Variants in TOP6BL observed in about 807,000 individuals in gnomAD.
The protein encoded by TOP6BL is type 2 DNA topoisomerase 6 subunit B-like.
the TOP6BL span, among the ~76,000 whole-genome samples, chr11:66,829,783 G>A: frequency 6.6e-6 from 1 of 152,138 alleles, no homozygotes; most frequent in Non-Finnish European, 1.5e-5. Flanking sequence ...CAGCTACTCG[G>A]GAGGCTGAGG....
the TOP6BL span, among the ~76,000 whole-genome samples, chr11:66,780,630 A>G: frequency 6.6e-6 from 1 of 151,954 alleles, no homozygotes; most frequent in East Asian, 1.9e-4. Context: ...CCCAGGCCGG[A>G]GTGCAGTGGC....
the TOP6BL span, among the ~76,000 whole-genome samples, chr11:66,747,741 C>T: frequency 6.6e-6 from 1 of 152,044 alleles, no homozygotes; most frequent in Non-Finnish European, 1.5e-5. Flanking sequence ...GCCTCAGCCT[C>T]CCCAGTGGCT....
chr11:66,843,021 C>CGGCAGGGCCCTGGCGCCG, the TOP6BL span: 188 of 1,553,720 alleles, frequency 1.2e-4, 1 homozygote, highest in South Asian at 2.1e-3. Context: ...GCGAGGCTCA[C>CGGCAGGGCCCTGGCGCCG]GGCAGGGCCC....
At chr11:66,781,785 G>A in the TOP6BL span, among the ~76,000 whole-genome samples, 1 of 152,096 alleles carries the variant, frequency 6.6e-6, no homozygotes, top group Non-Finnish European at 1.5e-5. Flanking sequence ...CGATCTCCCT[G>A]CCTTGGCCCC....
the TOP6BL span, among the ~76,000 whole-genome samples, chr11:66,777,603 A>G: frequency 2.0e-5 from 3 of 152,132 alleles, no homozygotes; most frequent in South Asian, 6.2e-4. Flanking sequence ...CTTTGTAAAA[A>G]GTGTTGGCCA....
chr11:66,800,745 T>C, the TOP6BL span: 4 of 1,453,488 alleles, frequency 2.8e-6, no homozygotes, highest in South Asian at 5.1e-5. Flanking sequence ...CTCTGCAATT[T>C]TTCTCAGCTA....
chr11:66,804,986 G>A, the TOP6BL span, among the ~76,000 whole-genome samples: 1 of 152,166 alleles, frequency 6.6e-6, no homozygotes, highest in Non-Finnish European at 1.5e-5. Context: ...ATAATCACTT[G>A]AACCTGGGAG....
At chr11:66,841,565 C>T in the TOP6BL span, among the ~76,000 whole-genome samples, 5 of 152,192 alleles carry the variant, frequency 3.3e-5, no homozygotes, top group Non-Finnish European at 5.9e-5. Context: ...ATCTAAGCCA[C>T]ACCTTTGAAA....
the TOP6BL span, among the ~76,000 whole-genome samples, chr11:66,807,972 A>G: frequency 6.6e-6 from 1 of 152,234 alleles, no homozygotes; most frequent in South Asian, 2.1e-4. Flanking sequence ...TTGAAATTGG[A>G]TTAGGATGAT....
the TOP6BL span, among the ~76,000 whole-genome samples, chr11:66,745,528 A>C: frequency 6.6e-5 from 10 of 152,148 alleles, no homozygotes; most frequent in African/African-American, 2.4e-4. Context: ...CCGTGTGCTC[A>C]TTTCATTACC....
the TOP6BL span, among the ~76,000 whole-genome samples, chr11:66,820,770 T>C: frequency 6.6e-6 from 1 of 152,234 alleles, no homozygotes; most frequent in African/African-American, 2.4e-5. Context: ...TTGTTGTTTA[T>C]AGTACATGGT....
At chr11:66,814,109 T>C in the TOP6BL span, 2 of 1,339,694 alleles carry the variant, frequency 1.5e-6, no homozygotes, top group East Asian at 2.4e-5. Context: ...TATAAAAATA[T>C]GACCAGAGAT....
the TOP6BL span, among the ~76,000 whole-genome samples, chr11:66,750,541 C>A: frequency 2.2e-3 from 327 of 151,296 alleles, no homozygotes; most frequent in African/African-American, 7.4e-3. Context: ...GAGTGAGACT[C>A]CATCTCAAAA....
chr11:66,796,699 C>G, the TOP6BL span, among the ~76,000 whole-genome samples: 57 of 150,814 alleles, frequency 3.8e-4, 1 homozygote, highest in East Asian at 0.011. Context: ...GAGAGGATTG[C>G]TTGAGCCCAG....
chr11:66,772,699 G>T, the TOP6BL span, among the ~76,000 whole-genome samples: 2 of 152,214 alleles, frequency 1.3e-5, no homozygotes, highest in Non-Finnish European at 2.9e-5. Flanking sequence ...GAACCTGGAA[G>T]GTGGAGGTTG....
the TOP6BL span, among the ~76,000 whole-genome samples, chr11:66,748,746 T>C: frequency 5.3e-5 from 8 of 152,168 alleles, no homozygotes; most frequent in African/African-American, 1.7e-4. Context: ...TTTACTGGTT[T>C]AAGTTAAAAT....
the TOP6BL span, chr11:66,758,985 C>T: frequency 1.5e-5 from 20 of 1,295,262 alleles, no homozygotes; most frequent in African/African-American, 2.5e-4. Flanking sequence ...TCATTTGATT[C>T]TTTCAATAGA....
the TOP6BL span, among the ~76,000 whole-genome samples, chr11:66,780,249 TC>T: frequency 6.6e-6 from 1 of 152,076 alleles, no homozygotes; most frequent in Non-Finnish European, 1.5e-5. Context: ...TACTTATAAT[TC>T]CCTGCCTTAT....
At chr11:66,777,483 A>G in the TOP6BL span, among the ~76,000 whole-genome samples, 638 of 152,330 alleles carry the variant, frequency 4.2e-3, 2 homozygotes, top group Middle Eastern at 0.014. Flanking sequence ...CACTGGAATG[A>G]ATATCTTAAT....
Sources: allele counts gnomAD v4.1 joint callset (sites outside exome capture counted in the v4.1 genomes callset), GRCh38; gene constraint gnomAD v4.1.1; transcripts MANE v1.5; gene names NCBI Gene and HGNC (gene_info 2026-07-23, HGNC 2026-07-21).